The following HECW1 variants were observed in gnomAD, a reference collection of about 807,000 sequenced individuals.
The protein encoded by HECW1 is E3 ubiquitin-protein ligase HECW1.
Under a neutral mutation model 182.3 loss-of-function variants are expected in HECW1, and 61 were observed. The ratio of observed to expected loss-of-function variants is 0.33; its 90% confidence interval spans 0.27 to 0.41. The LOEUF (loss-of-function observed/expected upper bound fraction) is 0.41. Ranked by LOEUF, HECW1 falls within the 10% of genes least tolerant of loss-of-function variation. The probability of loss-of-function intolerance (pLI) is 1.00; values close to 1 mark genes in which losing one functional copy is unlikely to be tolerated. For synonymous variants in HECW1, 859 were observed against 832.6 expected (o/e 1.03, Z -0.55); for missense variants, 1,739 against 2,108.9 (o/e 0.82, Z 3.44).
intron 3 of HECW1, chr7:43,245,756 A>G (rs1375706881): frequency 6.6e-6 from 1 of 152,220 alleles, no homozygotes; most frequent in Non-Finnish European, 1.5e-5. Flanking sequence ...CTTGTGAAAC[A>G]AAACATGAGC....
intron 5 of HECW1, among the ~76,000 whole-genome samples, chr7:43,324,109 G>C (rs1810484235): frequency 6.6e-6 from 1 of 152,150 alleles, no homozygotes; most frequent in African/African-American, 2.4e-5. Context: ...TAATGACATT[G>C]TAAAATGTTT....
intron 2 of HECW1, among the ~76,000 whole-genome samples, chr7:43,233,025 G>T (rs1798017480): frequency 6.6e-6 from 1 of 152,162 alleles, no homozygotes; most frequent in South Asian, 2.1e-4. Context: ...CTGGCTCATA[G>T]TTCTCAGCAG....
chr7:43,423,304 C>A (rs2076255289), intron 8 of HECW1, among the ~76,000 whole-genome samples: 1 of 152,148 alleles, frequency 6.6e-6, no homozygotes, highest in African/African-American at 2.4e-5. Context: ...AAAACCAGTT[C>A]TTTTGTTAGT....
intron 2 of HECW1, among the ~76,000 whole-genome samples, chr7:43,216,149 T>A (rs1291276267): frequency 6.6e-6 from 1 of 152,098 alleles, no homozygotes; most frequent in African/African-American, 2.4e-5. Context: ...TGTTTGTTTT[T>A]GTTTTTGTTT....
chr7:43,409,483 G>C (rs1408130351), intron 8 of HECW1, among the ~76,000 whole-genome samples: 1 of 152,174 alleles, frequency 6.6e-6, no homozygotes, highest in Non-Finnish European at 1.5e-5. Context: ...GGGAATGTTT[G>C]GAAAATCCAG....
chr7:43,536,344 T>C (rs376870696), intron 24 of HECW1, among the ~76,000 whole-genome samples: 62 of 152,264 alleles, frequency 4.1e-4, no homozygotes, highest in African/African-American at 1.4e-3. Context: ...ACCGAAAACA[T>C]TGCCAGAGAG....
At chr7:43,450,115 C>T (rs1216069912) in intron 11 of HECW1, among the ~76,000 whole-genome samples, 5 of 152,128 alleles carry the variant, frequency 3.3e-5, no homozygotes, top group Admixed American at 6.5e-5. Flanking sequence ...TTCCTGTCGC[C>T]GTCTTTCTGC....
chr7:43,217,952 A>G (rs1346826080), intron 2 of HECW1, among the ~76,000 whole-genome samples: 1 of 152,172 alleles, frequency 6.6e-6, no homozygotes, highest in Non-Finnish European at 1.5e-5. Flanking sequence ...TGGAGAGTGC[A>G]GGATTTCCTC....
chr7:43,284,409 A>C (rs1340111859), intron 3 of HECW1, among the ~76,000 whole-genome samples: 1 of 151,262 alleles, frequency 6.6e-6, no homozygotes, highest in Admixed American at 6.6e-5. Context: ...GCTTATGCCT[A>C]TAATCCTAGC....
rs193128887 is a variant in HECW1 at position 43,500,337 on chromosome 7, A to G, written c.3438-362A>G. Among the ~76,000 whole-genome samples the G allele has an allele frequency of 5.3e-5, 8 of 152,152 alleles. No individual in the cohort carries two copies. In the East Asian group the frequency reaches 1.5e-3, roughly 29 times the overall value. Reference sequence around the variant, plus strand: ...CTGGTCTTGAACTCCTGATCTCGTGATCTGCCTGCCTCAGCCTCCCAAAGT... The same window carrying G: ...CTGGTCTTGAACTCCTGATCTCGTGGTCTGCCTGCCTCAGCCTCCCAAAGT... On this transcript the variant is annotated intron_variant, in intron 19 of 29. Transcript: ENST00000395891.
intron 13 of HECW1, among the ~76,000 whole-genome samples, chr7:43,457,051 G>T (rs1164449672): frequency 6.6e-6 from 1 of 152,142 alleles, no homozygotes; most frequent in Non-Finnish European, 1.5e-5. Flanking sequence ...CATTTTTTGA[G>T]AATTATTTTG....
intron 3 of HECW1, among the ~76,000 whole-genome samples, chr7:43,260,139 A>G (rs1401495679): frequency 6.6e-6 from 1 of 152,220 alleles, no homozygotes; most frequent in Non-Finnish European, 1.5e-5. Context: ...AGAACAATGA[A>G]TGCCTAAAGG....
At chr7:43,286,660 G>T (rs926291908) in intron 3 of HECW1, among the ~76,000 whole-genome samples, 3 of 152,136 alleles carry the variant, frequency 2.0e-5, no homozygotes, top group East Asian at 3.8e-4. Context: ...CCCGGTAAAA[G>T]TTCAAACTGC....
At chr7:43,144,775 G>A (rs1788521842) in intron 2 of HECW1, among the ~76,000 whole-genome samples, 1 of 152,070 alleles carries the variant, frequency 6.6e-6, no homozygotes, top group African/African-American at 2.4e-5. Context: ...TCCTAGATCA[G>A]CCATTTCTCC....
chr7:43,221,139 C>T (rs1221001056), intron 2 of HECW1, among the ~76,000 whole-genome samples: 2 of 152,142 alleles, frequency 1.3e-5, no homozygotes, highest in African/African-American at 4.8e-5. Flanking sequence ...ACTTTTGTTA[C>T]TTGGATCCCT....
intron 18 of HECW1, among the ~76,000 whole-genome samples, chr7:43,492,788 A>T (rs1009289369): frequency 6.6e-6 from 1 of 152,208 alleles, no homozygotes; most frequent in Non-Finnish European, 1.5e-5. Flanking sequence ...TGGGAGAGCT[A>T]TTTTGTTCTC....
chr7:43,388,019 G>A (rs545958439), intron 6 of HECW1, among the ~76,000 whole-genome samples: 21 of 152,306 alleles, frequency 1.4e-4, no homozygotes, highest in African/African-American at 2.2e-4. Flanking sequence ...AGTGAGATAC[G>A]TTTTATTATG....
chr7:43,478,155 G>A (rs1307564892), intron 16 of HECW1, among the ~76,000 whole-genome samples: 1 of 152,172 alleles, frequency 6.6e-6, no homozygotes, highest in East Asian at 1.9e-4. Flanking sequence ...GGTGGCTCAC[G>A]CCTGTAACCC....
chr7:43,497,608 G>A lies in HECW1; in HGVS notation c.3438-3091G>A, dbSNP rs145868487. ...GGGGAGGGGCATAAGATGGAACAGG[G>A]GCTATGCAGGAGACTATTATATTCA... On this transcript the variant is annotated intron_variant, in intron 19 of 29. Transcript: ENST00000395891. Among the ~76,000 whole-genome samples the A allele has an allele frequency of 7.2e-5, 11 of 152,252 alleles. No individual in the cohort carries two copies. In the East Asian group the frequency reaches 1.9e-3, roughly 27 times the overall value.
Sources: gnomAD v4.1 joint callset for allele counts (sites outside exome capture counted in the v4.1 genomes callset) on GRCh38, gnomAD v4.1.1 for gene constraint, MANE v1.5 for transcripts, NCBI Gene and HGNC (gene_info 2026-07-23, HGNC 2026-07-21) for gene names.